EPHA3: variants seen among roughly 807,000 people sequenced by gnomAD.
EPHA3 encodes the protein EPH receptor A3, also known as ephrin type-A receptor 3.
In EPHA3, 42 loss-of-function variants were observed where a neutral mutation model predicts 107.1. The observed-to-expected ratio is 0.39, with a 90% CI of 0.31 to 0.51. EPHA3 has a LOEUF of 0.51. Ranked by LOEUF, EPHA3 falls within the 20% of genes least tolerant of loss-of-function variation. The pLI, the probability that EPHA3 is intolerant of heterozygous loss-of-function variation, is 0.78. For missense variants in EPHA3, 1,183 were observed against 1,211.2 expected (o/e 0.98, Z 0.35); for synonymous variants, 461 against 424.8 (o/e 1.09, Z -1.05).
At chr3:89,166,425 G>T (rs1371796670) in intron 2 of EPHA3, among the ~76,000 whole-genome samples, 4 of 152,106 alleles carry the variant, frequency 2.6e-5, no homozygotes, top group South Asian at 2.1e-4. Context: ...GGTAGTTATT[G>T]GATGCCTGTA....
chr3:89,407,246 A>AT lies in EPHA3; in HGVS notation c.1595-17dup, dbSNP rs1709072610. ...AGTCATGATTATAATACCTGTTCTT[A>AT]TTTTTTCTCTTCAACCTCACAGCTT... On this transcript the variant is annotated intron_variant, in intron 7 of 16. Coordinates refer to ENST00000336596, the MANE Select transcript of EPHA3 (RefSeq NM_005233.6). The AT allele has an allele frequency of 3.2e-6, 5 of 1,574,444 alleles. No homozygotes were observed. The African/African-American group carries it at 5.4e-5, about 17-fold the overall frequency.
At chr3:89,277,426 T>G (rs1705833846) in intron 3 of EPHA3, among the ~76,000 whole-genome samples, 1 of 152,136 alleles carries the variant, frequency 6.6e-6, no homozygotes, top group Non-Finnish European at 1.5e-5. Flanking sequence ...ACGACTAGAT[T>G]TGATATTTGA....
intron 3 of EPHA3, among the ~76,000 whole-genome samples, chr3:89,334,054 T>C (rs2107404076): frequency 6.6e-6 from 1 of 152,348 alleles, no homozygotes; most frequent in Middle Eastern, 3.4e-3. Flanking sequence ...TTTTTATGTC[T>C]ATTCATTCCC....
chr3:89,308,398 T>C (rs1429121198), intron 3 of EPHA3, among the ~76,000 whole-genome samples: 1 of 152,006 alleles, frequency 6.6e-6, no homozygotes, highest in African/African-American at 2.4e-5. Context: ...GATGAAAACA[T>C]AACAAGAAAT....
chr3:89,454,513 C>T (rs1199451096), intron 15 of EPHA3, among the ~76,000 whole-genome samples: 1 of 152,150 alleles, frequency 6.6e-6, no homozygotes, highest in African/African-American at 2.4e-5. Flanking sequence ...GTCTTCTGAC[C>T]TGGACCACTG....
intron 2 of EPHA3, among the ~76,000 whole-genome samples, chr3:89,138,204 A>G (rs1446238253): frequency 2.7e-5 from 4 of 148,712 alleles, no homozygotes; most frequent in Non-Finnish European, 2.9e-5. Flanking sequence ...ATAAACACAC[A>G]GGAAGAGAAA....
chr3:89,280,512 G>T (rs1328598680), intron 3 of EPHA3, among the ~76,000 whole-genome samples: 2 of 152,172 alleles, frequency 1.3e-5, no homozygotes, highest in African/African-American at 4.8e-5. Context: ...TATTCTCATT[G>T]ATTAGTGCTG....
chr3:89,416,463 T>C (rs1489280099), intron 10 of EPHA3, among the ~76,000 whole-genome samples: 1 of 151,418 alleles, frequency 6.6e-6, no homozygotes, highest in Non-Finnish European at 1.5e-5. Context: ...TTTTTATTTT[T>C]AATCTTTTTC....
At chr3:89,157,317 TA>T (rs1229295323) in intron 2 of EPHA3, among the ~76,000 whole-genome samples, 1 of 151,308 alleles carries the variant, frequency 6.6e-6, no homozygotes, top group Non-Finnish European at 1.5e-5. Flanking sequence ...GCAACTTTAA[TA>T]TAATTTTCTA....
At chr3:89,371,177 C>T (rs149516447) in intron 5 of EPHA3, among the ~76,000 whole-genome samples, 1,636 of 150,360 alleles carry the variant, frequency 0.011, 21 homozygotes, top group African/African-American at 0.039. Flanking sequence ...TGTTTGTTTT[C>T]ATTCCAGTGA....
chr3:89,209,041 G>A (rs936468040), intron 2 of EPHA3, among the ~76,000 whole-genome samples: 1 of 152,126 alleles, frequency 6.6e-6, no homozygotes, highest in Non-Finnish European at 1.5e-5. Flanking sequence ...TTGTCCTAAG[G>A]ATCACAGAAA....
intron 11 of EPHA3, among the ~76,000 whole-genome samples, chr3:89,427,286 AG>A (rs1284157125): frequency 6.6e-6 from 1 of 151,928 alleles, no homozygotes; most frequent in African/African-American, 2.4e-5. Context: ...TGAATGTAAA[AG>A]TATAACCTTC....
chr3:89,170,181 G>A (rs1305131268), intron 2 of EPHA3, among the ~76,000 whole-genome samples: 3 of 151,972 alleles, frequency 2.0e-5, no homozygotes, highest in Non-Finnish European at 2.9e-5. Context: ...GCGAGAGCCC[G>A]GGAGGTGCAG....
chr3:89,331,064 G>A (rs2107397843), intron 3 of EPHA3, among the ~76,000 whole-genome samples: 1 of 152,244 alleles, frequency 6.6e-6, no homozygotes, highest in East Asian at 1.9e-4. Flanking sequence ...TAGACAGAGT[G>A]AGAGACAGAT....
chr3:89,258,793 A>G (rs1705346147), intron 3 of EPHA3, among the ~76,000 whole-genome samples: 1 of 152,160 alleles, frequency 6.6e-6, no homozygotes, highest in Non-Finnish European at 1.5e-5. Flanking sequence ...AAAACCAATG[A>G]CAGGTGGTTG....
At chr3:89,444,849 T>C (rs537420672) in intron 13 of EPHA3, among the ~76,000 whole-genome samples, 6 of 152,330 alleles carry the variant, frequency 3.9e-5, no homozygotes, top group African/African-American at 1.4e-4. Flanking sequence ...CTTGAATCTG[T>C]GATTATTTCA....
chr3:89,115,503 G>C (rs1160318738), intron 1 of EPHA3, among the ~76,000 whole-genome samples: 1 of 152,216 alleles, frequency 6.6e-6, no homozygotes, highest in East Asian at 1.9e-4. Context: ...TTGGTGGGTG[G>C]ATGATCCTGA....
chr3:89,166,807 T>C (rs1281758785), intron 2 of EPHA3, among the ~76,000 whole-genome samples: 1 of 152,134 alleles, frequency 6.6e-6, no homozygotes, highest in Non-Finnish European at 1.5e-5. Context: ...GACCTGACAA[T>C]ATTAAGGGGG....
chr3:89,109,698 G>A lies in EPHA3; in HGVS notation c.88+1862G>A, dbSNP rs138208205. On this transcript the variant is annotated intron_variant, in intron 1 of 16. Coordinates refer to ENST00000336596, the MANE Select transcript of EPHA3 (RefSeq NM_005233.6). ...AAATTGCTTTTAAGCCTCACCTCAT[G>A]TATGTTTGGGGATATAATGTATATA... Among the ~76,000 whole-genome samples, 535 of 152,082 alleles carry A rather than the reference G, an allele frequency of 3.5e-3. 4 individuals carry two copies. The highest frequency in any genetic ancestry group is 0.012 in the African/African-American group (507 of 41,538).
Sources: gnomAD v4.1 joint callset for allele counts (sites outside exome capture counted in the v4.1 genomes callset) on GRCh38, gnomAD v4.1.1 for gene constraint, MANE v1.5 for transcripts, NCBI Gene and HGNC (gene_info 2026-07-23, HGNC 2026-07-21) for gene names.